GALNT2: variants seen among roughly 807,000 people sequenced by gnomAD.
The protein encoded by GALNT2 is polypeptide N-acetylgalactosaminyltransferase 2, also known as UDP-GalNAc:polypeptide N-acetylgalactosaminyltransferase 2.
GALNT2 carries 31 observed loss-of-function variants against 81.4 expected under a neutral mutation model. The ratio of observed to expected loss-of-function variants is 0.38; its 90% CI spans 0.29 to 0.51. The LOEUF (loss-of-function observed/expected upper bound fraction) is 0.51. GALNT2 is among the 20% of genes least tolerant of loss of function. GALNT2 has a pLI of 0.87. For missense variants in GALNT2, 629 were observed against 765.7 expected (o/e 0.82, Z 2.11); for synonymous variants, 303 against 287.4 (o/e 1.05, Z -0.55).
intron 1 of GALNT2, among the ~76,000 whole-genome samples, chr1:230,108,250 T>C (rs947540717): frequency 3.3e-5 from 5 of 152,170 alleles, no homozygotes; most frequent in Admixed American, 3.3e-4. Context: ...AATAAAGTTC[T>C]CCTAGGAAGT....
intron 1 of GALNT2, among the ~76,000 whole-genome samples, chr1:230,075,405 G>A (rs1160444047): frequency 1.3e-5 from 2 of 152,162 alleles, no homozygotes. Context: ...ACAGGCGTGA[G>A]CCACCGTGCC....
chr1:230,232,186 A>G (rs1664884894), intron 3 of GALNT2, among the ~76,000 whole-genome samples: 1 of 152,148 alleles, frequency 6.6e-6, no homozygotes, highest in Non-Finnish European at 1.5e-5. Context: ...ATCTAAATTC[A>G]TGTACATACA....
At chr1:230,098,097 CT>C (rs1660300929) in intron 1 of GALNT2, among the ~76,000 whole-genome samples, 1 of 152,158 alleles carries the variant, frequency 6.6e-6, no homozygotes, top group African/African-American at 2.4e-5. Context: ...ACTTCAAGCA[CT>C]TTACACTCAC....
At position 230,236,089 on chromosome 1, in the gene GALNT2, G is replaced by A. The variant is rs138909324; in HGVS notation, c.450G>A (p.Ser150=). Residue 150 remains serine, a synonymous_variant, in exon 4 of 16, where the codon TCG becomes TCA. Transcript: ENST00000366672. ...TCACGTTTCACAATGAAGCCAGGTC[G>A]GCCCTACTCAGGACCGTGGTCAGGT... ...VVITFHNEAR[S]ALLRTVVSVL... The A allele has an allele frequency of 8.7e-5, 140 of 1,614,018 alleles. 1 individual carries two copies. In the African/African-American group the frequency reaches 1.5e-3, roughly 17 times the overall value.
intron 14 of GALNT2, among the ~76,000 whole-genome samples, chr1:230,266,456 G>A (rs989132541): frequency 3.9e-5 from 6 of 152,186 alleles, no homozygotes; most frequent in African/African-American, 7.2e-5. Context: ...GGTTAACTCC[G>A]TGTGTGTATC....
intron 1 of GALNT2, among the ~76,000 whole-genome samples, chr1:230,159,548 G>T (rs889177029): frequency 1.3e-5 from 2 of 152,148 alleles, no homozygotes; most frequent in Admixed American, 6.5e-5. Flanking sequence ...GGGAGGGGAC[G>T]GTCACTTTGC....
intron 1 of GALNT2, among the ~76,000 whole-genome samples, chr1:230,140,976 G>A (rs1661711591): frequency 6.6e-6 from 1 of 152,148 alleles, no homozygotes; most frequent in African/African-American, 2.4e-5. Context: ...CTGCTTTTGT[G>A]TCATCATTGA....
chr1:230,140,538 C>T (rs563812008), intron 1 of GALNT2, among the ~76,000 whole-genome samples: 17 of 152,316 alleles, frequency 1.1e-4, no homozygotes, highest in South Asian at 4.1e-4. Flanking sequence ...AATCCAGCCT[C>T]GGAACCGGGA....
chr1:230,083,186 A>C (rs538538055), intron 1 of GALNT2, among the ~76,000 whole-genome samples: 1 of 127,516 alleles, frequency 7.8e-6, no homozygotes, highest in East Asian at 2.6e-4. Context: ...AGGATGATGG[A>C]GCAGGGAGCC....
intron 13 of GALNT2, chr1:230,264,387 C>T (rs1015671973): frequency 6.6e-6 from 1 of 152,230 alleles, no homozygotes; most frequent in Non-Finnish European, 1.5e-5. Flanking sequence ...ACTCACTTTG[C>T]TTTTTCAGTC....
chr1:230,233,527 C>T (rs1378547626), intron 3 of GALNT2, among the ~76,000 whole-genome samples: 3 of 152,136 alleles, frequency 2.0e-5, no homozygotes, highest in Non-Finnish European at 2.9e-5. Flanking sequence ...GCAGGAGAAT[C>T]GCTTGAACCC....
chr1:230,153,546 G>A (rs1662154396), intron 1 of GALNT2, among the ~76,000 whole-genome samples: 1 of 151,762 alleles, frequency 6.6e-6, no homozygotes, highest in African/African-American at 2.4e-5. Context: ...GGCCTTGGTG[G>A]TGTTTTTTGA....
intron 6 of GALNT2, among the ~76,000 whole-genome samples, chr1:230,242,153 A>G (rs1356705859): frequency 6.6e-6 from 1 of 152,182 alleles, no homozygotes; most frequent in Non-Finnish European, 1.5e-5. Context: ...AACGCCGTAT[A>G]AACACGGAGC....
intron 1 of GALNT2, among the ~76,000 whole-genome samples, chr1:230,170,890 A>C (rs1662772027): frequency 6.6e-6 from 1 of 152,142 alleles, no homozygotes; most frequent in South Asian, 2.1e-4. Flanking sequence ...AAACACCCCC[A>C]CCAGGCCTCA....
At chr1:230,242,769 T>C (rs1665239594) in intron 6 of GALNT2, among the ~76,000 whole-genome samples, 2 of 152,142 alleles carry the variant, frequency 1.3e-5, no homozygotes, top group African/African-American at 2.4e-5. Flanking sequence ...AGTATATAAA[T>C]TGTAGAATTT....
At chr1:230,088,882 T>G (rs1330786769) in intron 1 of GALNT2, among the ~76,000 whole-genome samples, 2 of 152,242 alleles carry the variant, frequency 1.3e-5, no homozygotes, top group African/African-American at 4.8e-5. Flanking sequence ...GGAAACCCTA[T>G]GCCCATTAAG....
At chr1:230,232,655 C>G (rs929082790) in intron 3 of GALNT2, among the ~76,000 whole-genome samples, 4 of 152,198 alleles carry the variant, frequency 2.6e-5, no homozygotes, top group African/African-American at 9.6e-5. Flanking sequence ...CCTCCTAACG[C>G]GGAGTCCTTA....
chr1:230,257,373 A>G lies in GALNT2; in HGVS notation c.1136+2029A>G, dbSNP rs755798517. ...CCCAGGCCAGAGATGTGATACAGTC[A>G]TGCACCTGTAACAGCGTTTCGGTCG... On this transcript the variant is annotated intron_variant, in intron 11 of 15. Transcript: ENST00000366672. The surrounding 1 kb of genome is among the most constrained non-coding windows in gnomAD (Gnocchi z 4.6). 2.6e-4 allele frequency among the ~76,000 whole-genome samples: 39 copies of G among 152,342 alleles called. No homozygotes were observed. The South Asian group carries it at 2.7e-3, about 11-fold the overall frequency.
intron 2 of GALNT2, among the ~76,000 whole-genome samples, chr1:230,187,245 G>A (rs1263184139): frequency 1.3e-5 from 2 of 152,192 alleles, no homozygotes; most frequent in Non-Finnish European, 2.9e-5. Context: ...ATGAACAGAC[G>A]TATATTTAGA....
Sources: gnomAD v4.1 joint callset for allele counts (sites outside exome capture counted in the v4.1 genomes callset) on GRCh38, gnomAD v4.1.1 for gene constraint, Gnocchi (gnomAD v3.1) non-coding constraint, MANE v1.5 for transcripts, NCBI Gene and HGNC (gene_info 2026-07-23, HGNC 2026-07-21) for gene names.